CUBN: variants seen among roughly 807,000 people sequenced by gnomAD.
The protein encoded by CUBN is cubilin.
Under a neutral mutation model 405.3 loss-of-function variants are expected in CUBN, and 282 were observed. The ratio of observed to expected loss-of-function variants is 0.70; its 90% confidence interval spans 0.63 to 0.77. The LOEUF (loss-of-function observed/expected upper bound fraction) is 0.77, where lower values mean the gene tolerates loss of function less well. Ranked by LOEUF, CUBN falls within the 30% of genes least tolerant of loss-of-function variation. CUBN has a pLI of 0.00. For synonymous variants in CUBN, 1,684 were observed against 1,617.0 expected, an observed-to-expected ratio of 1.04 and a Z score of -0.99; for missense variants, 4,514 against 4,475.2, an observed-to-expected ratio of 1.01 and a Z score of -0.25.
At chr10:17,000,065 G>A (rs1833836801) in intron 28 of CUBN, among the ~76,000 whole-genome samples, 1 of 152,222 alleles carries the variant, frequency 6.6e-6, no homozygotes, top group Non-Finnish European at 1.5e-5. Flanking sequence ...GGCAAATCCT[G>A]CATCCAGCCA....
chr10:16,951,052 C>A (rs1333080929), intron 33 of CUBN, among the ~76,000 whole-genome samples: 2 of 152,152 alleles, frequency 1.3e-5, no homozygotes, highest in Non-Finnish European at 2.9e-5. Context: ...TTTTGTTGTT[C>A]TTTAAGCTCC....
intron 27 of CUBN, 74 bp from the exon 28 acceptor site, chr10:17,020,057 T>A: frequency 6.5e-7 from 1 of 1,537,812 alleles, no homozygotes; most frequent in South Asian, 1.1e-5. Flanking sequence ...TCTACACAAG[T>A]AGCAAAAGCT....
At chr10:16,830,066 G>A (rs1371768508) in intron 65 of CUBN, among the ~76,000 whole-genome samples, 1 of 152,134 alleles carries the variant, frequency 6.6e-6, no homozygotes, top group Non-Finnish European at 1.5e-5. Flanking sequence ...CTCCCGAGTA[G>A]CTGGGATTAC....
chr10:16,901,638 G>A (rs996281530), intron 51 of CUBN, among the ~76,000 whole-genome samples, 179 bp from the exon 52 acceptor site: 2 of 151,948 alleles, frequency 1.3e-5, no homozygotes, highest in Non-Finnish European at 2.9e-5. Context: ...CAAATCACCC[G>A]AGGTCAGGAG....
chr10:17,063,501 C>G (rs1835546438), intron 22 of CUBN, among the ~76,000 whole-genome samples: 1 of 152,174 alleles, frequency 6.6e-6, no homozygotes, highest in Non-Finnish European at 1.5e-5. Context: ...TTTTTCTTCT[C>G]TCTTTCTTTA....
chr10:16,923,883 G>T (rs1290133190), intron 43 of CUBN, among the ~76,000 whole-genome samples: 1 of 152,106 alleles, frequency 6.6e-6, no homozygotes, highest in African/African-American at 2.4e-5. Flanking sequence ...ACCAGCCTGG[G>T]CAACATGGTG....
In CUBN at chr10:16,829,915, G is replaced by A. The variant is rs143858497; in HGVS notation, c.10529-875C>T. ...TGGCTCACTGCAAGCTCCACCTCCCGGGTTCATGGTGGGTTTTTTTTGTTT... is the reference window on the plus strand; with the variant it reads ...TGGCTCACTGCAAGCTCCACCTCCCAGGTTCATGGTGGGTTTTTTTTGTTT... On this transcript the variant is annotated intron_variant, in intron 65 of 66. Coordinates refer to ENST00000377833, the MANE Select transcript of CUBN (RefSeq NM_001081.4). 3.2e-3 allele frequency among the ~76,000 whole-genome samples: 468 copies of A among 148,534 alleles called. 2 individuals carry two copies. Among genetic ancestry groups the A allele is most frequent in the African/African-American group, 0.011 (446 of 39,842 alleles).
chr10:16,913,824 T>C lies in CUBN; in HGVS notation c.7520A>G (p.Asn2507Ser). The change falls in exon 48 of 67, where the codon AAT becomes AGT. Residue 2507 changes from asparagine (N) to serine (S), a missense_variant. This residue lies in a region of CUBN where 1,613 missense variants were observed against 1,542.8 expected (regional missense o/e 1.05). Coordinates refer to ENST00000377833, the MANE Select transcript of CUBN (RefSeq NM_001081.4). The stretch of plus-strand genomic sequence containing the variant: ...GGGAACACTTACTATCACATGCTCA[T>C]TGTTGCAGGACGGATGCGTGGCCAG... ...LRLATHPSCN[N>S]EHVIVFNGIR... The C allele has an allele frequency of 6.2e-7, 1 of 1,613,666 alleles. No homozygotes were observed. The highest frequency in any genetic ancestry group is 8.5e-7 in the Non-Finnish European group (1 of 1,180,024).
At chr10:16,877,456 G>A (rs1416674457) in intron 56 of CUBN, among the ~76,000 whole-genome samples, 5 of 152,074 alleles carry the variant, frequency 3.3e-5, no homozygotes, top group African/African-American at 4.8e-5. Flanking sequence ...ACACTGTAGA[G>A]TGGAGTAGAG....
At chr10:16,889,863 G>A (rs562341972) in intron 55 of CUBN, among the ~76,000 whole-genome samples, 1 of 150,674 alleles carries the variant, frequency 6.6e-6, no homozygotes, top group South Asian at 2.1e-4. Flanking sequence ...CGTGAACCCA[G>A]GACGTGGAGG....
rs376432497 is a variant in CUBN, at chr10:16,916,067, C to G, written c.7001-37G>C. 1.9e-6 allele frequency: 3 copies of G among 1,584,072 alleles called. No homozygotes were observed. In the African/African-American group the frequency reaches 4.1e-5, roughly 21 times the overall value. Reference sequence around the variant, plus strand: ...AAAAATAAATAAATAAATAAGAAAGCAAGCAAGCAAGAAAGATTGATTCTA... The same window carrying G: ...AAAAATAAATAAATAAATAAGAAAGGAAGCAAGCAAGAAAGATTGATTCTA... On this transcript the variant is annotated intron_variant, in intron 45 of 66. Coordinates refer to ENST00000377833, the MANE Select transcript of CUBN (RefSeq NM_001081.4).
rs1456710140 is a variant in CUBN, at chr10:17,047,508, T to C, written c.3235A>G (p.Thr1079Ala). 2 of 1,613,892 alleles carry C rather than the reference T, an allele frequency of 1.2e-6. No individual in the cohort carries two copies. The highest frequency in any genetic ancestry group is 1.7e-5 in the Admixed American group (1 of 60,024). ...GCAATCAGTTGGCCAGTTCTCACTG[T>C]GATCCGATAAATGCATTCCCAGTTG... Reference protein sequence around the residue: ...PNNWECIYRITVRTGQLIAVH... With the variant: ...PNNWECIYRIAVRTGQLIAVH... Residue 1079 changes from threonine to alanine, a missense_variant, in exon 23 of 67, where the codon ACA (threonine) becomes GCA (alanine). Transcript: ENST00000377833.
chr10:17,032,362 T>G (rs545604108), intron 27 of CUBN, among the ~76,000 whole-genome samples: 4 of 152,162 alleles, frequency 2.6e-5, no homozygotes, highest in African/African-American at 9.7e-5. Flanking sequence ...AGATCACAGC[T>G]GGTAAAGAGC....
rs759078438 is a variant in CUBN, at chr10:16,948,548, C to T, written c.5139G>A (p.Thr1713=). Residue 1713 remains threonine, a synonymous_variant, in exon 35 of 67, where the codon ACG becomes ACA. Coordinates refer to ENST00000377833, the MANE Select transcript of CUBN (RefSeq NM_001081.4). ...TGCTAGAATCAGAGACGAATCTCAG[C>T]GTCAGGGCGCTGCTGAAGGATGTGA... ...HPITSFSSAL[T]LRFVSDSSIS... 9.9e-6 allele frequency: 16 copies of T among 1,613,902 alleles called. No individual in the cohort carries two copies. The highest frequency in any genetic ancestry group is 4.0e-5 in the African/African-American group (3 of 74,906).
chr10:17,063,158 C>T (rs574522440), intron 22 of CUBN, among the ~76,000 whole-genome samples: 50 of 152,258 alleles, frequency 3.3e-4, no homozygotes, highest in African/African-American at 1.0e-3. Context: ...GCATGAGAGC[C>T]GATCTCTCAG....
At chr10:17,085,045 C>T (rs1276727330) in intron 16 of CUBN, among the ~76,000 whole-genome samples, 1 of 151,796 alleles carries the variant, frequency 6.6e-6, no homozygotes, top group Non-Finnish European at 1.5e-5. Flanking sequence ...TAATAGATGT[C>T]ATAAACAAAA....
intron 31 of CUBN, 92 bp downstream of exon 31, chr10:16,982,392 C>T: frequency 1.8e-6 from 2 of 1,140,908 alleles, no homozygotes; most frequent in Non-Finnish European, 1.3e-6. Flanking sequence ...ATTAAAAACA[C>T]CCATAAGTAA....
At chr10:17,129,275 C>T in intron 1 of CUBN, 25 bp from the exon 2 acceptor site, 1 of 1,611,114 alleles carries the variant, frequency 6.2e-7, no homozygotes, top group South Asian at 1.1e-5. Context: ...CGAGAGAATG[C>T]ATCAGTAATT....
chr10:17,082,345 A>C (rs1230431331), intron 17 of CUBN, among the ~76,000 whole-genome samples: 1 of 152,236 alleles, frequency 6.6e-6, no homozygotes, highest in Non-Finnish European at 1.5e-5. Context: ...TCTGGCTACA[A>C]AACATTCCAC....
Sources: gnomAD v4.1 joint callset for allele counts (sites outside exome capture counted in the v4.1 genomes callset) on GRCh38, gnomAD v4.1.1 for gene constraint, gnomAD v4.1.1 regional missense constraint, MANE v1.5 for transcripts, NCBI Gene and HGNC (gene_info 2026-07-23, HGNC 2026-07-21) for gene names.